Variants in PDE10A observed in about 807,000 individuals in gnomAD.
PDE10A encodes the protein phosphodiesterase 10A, also known as cAMP and cAMP-inhibited cGMP 3',5'-cyclic phosphodiesterase 10A.
Under a neutral mutation model 97.7 loss-of-function variants are expected in PDE10A, and 39 were observed. The observed-to-expected ratio is 0.40, with a 90% CI of 0.31 to 0.52. The LOEUF is 0.52. PDE10A is among the 20% of genes least tolerant of loss of function. The pLI, the probability that PDE10A is intolerant of heterozygous loss-of-function variation, is 0.56. For missense variants in PDE10A, 731 were observed against 1,047.8 expected (o/e 0.70, Z 4.17); for synonymous variants, 371 against 376.8 (o/e 0.98, Z 0.18).
rs565739169 is a variant in PDE10A at position 165,502,356 on chromosome 6, C to T, written c.995-20013G>A. On this transcript the variant is annotated intron_variant, in intron 2 of 21. Transcript: ENST00000539869. Reference sequence around the variant, plus strand: ...ACTGGGAGAAAGTATTTTCAAAATACGTATCTGGCAAAAGACCTATAACTA... The same window carrying T: ...ACTGGGAGAAAGTATTTTCAAAATATGTATCTGGCAAAAGACCTATAACTA... Among the ~76,000 whole-genome samples the T allele has an allele frequency of 4.2e-4, 64 of 152,200 alleles. 1 individual carries two copies. The highest frequency in any genetic ancestry group is 2.1e-4 in the South Asian group (1 of 4,820).
chr6:165,388,021 T>C lies in PDE10A; in HGVS notation c.2610+277A>G, dbSNP rs1323885005. 6.6e-6 allele frequency among the ~76,000 whole-genome samples: 1 copy of C among 152,222 alleles called. No homozygotes were observed. Among genetic ancestry groups the C allele is most frequent in the African/African-American group, 2.4e-5 (1 of 41,466 alleles). On this transcript the variant is annotated intron_variant, in intron 17 of 21. Coordinates refer to ENST00000539869, the MANE Select transcript of PDE10A (RefSeq NM_001385079.1). The surrounding 1 kb of genome is among the most constrained non-coding windows in gnomAD (Gnocchi z 4.0). ...CTATATAATTAATTGATTTAAACTA[T>C]GTAAAATAAGTATTGCTTTAGGGTT...
At chr6:165,563,845 C>T (rs1318395402) in intron 1 of PDE10A, among the ~76,000 whole-genome samples, 1 of 150,924 alleles carries the variant, frequency 6.6e-6, no homozygotes, top group Non-Finnish European at 1.5e-5. Context: ...TAGCTGAGAT[C>T]GTGCCACTGC....
At chr6:165,568,212 G>A (rs1038187007) in intron 1 of PDE10A, among the ~76,000 whole-genome samples, 3 of 152,034 alleles carry the variant, frequency 2.0e-5, no homozygotes, top group Admixed American at 1.3e-4. Context: ...TGTTAGACAC[G>A]ATGGTCTAGA....
chr6:165,894,602 A>T (rs2140232), intron 1 of PDE10A: 214,687 of 447,586 alleles, frequency 0.48, 52,386 homozygotes, highest in East Asian at 0.67. Context: ...TGTACTACAT[A>T]TCCCGAGGAA....
intron 16 of PDE10A, among the ~76,000 whole-genome samples, chr6:165,389,804 A>G (rs778743090): frequency 6.6e-6 from 1 of 152,208 alleles, no homozygotes; most frequent in Non-Finnish European, 1.5e-5. Context: ...AGGAGGGTCA[A>G]GGTCTAAGCT....
chr6:165,840,248 C>T (rs536515291), intron 1 of PDE10A, among the ~76,000 whole-genome samples: 1 of 152,162 alleles, frequency 6.6e-6, no homozygotes, highest in South Asian at 2.1e-4. Context: ...TCCCCAGCTC[C>T]ATCCTTATCT....
intron 1 of PDE10A, among the ~76,000 whole-genome samples, chr6:165,825,370 G>A (rs1196907114): frequency 2.0e-5 from 3 of 152,052 alleles, no homozygotes; most frequent in Non-Finnish European, 2.9e-5. Flanking sequence ...ATAAAGGATG[G>A]CGTGATCTGA....
At chr6:165,928,580 G>A (rs1443545377) in intron 1 of PDE10A, among the ~76,000 whole-genome samples, 32 of 152,172 alleles carry the variant, frequency 2.1e-4, no homozygotes, top group Non-Finnish European at 4.0e-4. Flanking sequence ...AAAGACCATG[G>A]CAGAGCAAAA....
At chr6:165,709,476 C>A (rs1314702799) in intron 1 of PDE10A, among the ~76,000 whole-genome samples, 4 of 136,048 alleles carry the variant, frequency 2.9e-5, no homozygotes, top group Non-Finnish European at 4.8e-5. Flanking sequence ...GCTCCCTCCA[C>A]TCTCCACCCC....
rs748862918 is a variant in PDE10A at position 165,396,304 on chromosome 6, G to C, written c.2219+13C>G. 2.5e-6 allele frequency: 4 copies of C among 1,608,242 alleles called. No individual in the cohort carries two copies. Among genetic ancestry groups the C allele is most frequent in the Admixed American group, 1.7e-5 (1 of 59,248 alleles). The stretch of plus-strand genomic sequence containing the variant: ...AATGGTTCCTGAAGAAACTGACAGA[G>C]CAACATACTTACAATTCAATTTCTT... On this transcript the variant is annotated intron_variant, in intron 14 of 21. Coordinates refer to ENST00000539869, the MANE Select transcript of PDE10A (RefSeq NM_001385079.1).
chr6:165,708,174 G>A (rs990553015), intron 1 of PDE10A, among the ~76,000 whole-genome samples: 8 of 152,140 alleles, frequency 5.3e-5, no homozygotes, highest in Admixed American at 4.6e-4. Context: ...CACCTCCGGC[G>A]GCCACACTGC....
chr6:165,711,201 T>C lies in PDE10A; in HGVS notation c.-614-167633A>G, dbSNP rs1240972652. 6.6e-6 allele frequency among the ~76,000 whole-genome samples: 1 copy of C among 152,196 alleles called. No homozygotes were observed. Among genetic ancestry groups the C allele is most frequent in the African/African-American group, 2.4e-5 (1 of 41,446 alleles). On this transcript the variant is annotated intron_variant, in intron 1 of 19. Coordinates refer to the PDE10A transcript ENST00000366882. The surrounding 1 kb of genome is among the most constrained non-coding windows in gnomAD (Gnocchi z 4.5). ...GACGTTAGCAGTAAGTTCTACTAAA[T>C]ACACCGTTAGAGTTGGGAGCAGGGC...
At chr6:165,457,546 C>CTATATGTATA (rs926758434) in intron 3 of PDE10A, among the ~76,000 whole-genome samples, 2 of 152,184 alleles carry the variant, frequency 1.3e-5, no homozygotes, top group African/African-American at 2.4e-5. Context: ...CATTGTCAAG[C>CTATATGTATA]TATATGTATA....
At chr6:165,670,868 A>T (rs1215364739) in intron 1 of PDE10A, among the ~76,000 whole-genome samples, 1 of 152,208 alleles carries the variant, frequency 6.6e-6, no homozygotes, top group African/African-American at 2.4e-5. Flanking sequence ...CTTAAGTGGC[A>T]AAAGGACCCC....
At chr6:165,690,936 C>A (rs1791253957) in intron 1 of PDE10A, among the ~76,000 whole-genome samples, 1 of 152,172 alleles carries the variant, frequency 6.6e-6, no homozygotes, top group African/African-American at 2.4e-5. Context: ...TGCTCTCCTG[C>A]TTCTCAAGCC....
At chr6:165,639,788 C>G (rs566424246) in intron 1 of PDE10A, among the ~76,000 whole-genome samples, 175 of 150,352 alleles carry the variant, frequency 1.2e-3, no homozygotes, top group African/African-American at 4.1e-3. Context: ...CAATCTATGG[C>G]CAGGTGGAGT....
At chr6:165,745,462 T>A (rs1792822530) in intron 1 of PDE10A, among the ~76,000 whole-genome samples, 1 of 152,210 alleles carries the variant, frequency 6.6e-6, no homozygotes, top group Non-Finnish European at 1.5e-5. Context: ...TTAACTAATA[T>A]CCTTTCAGAA....
intron 1 of PDE10A, among the ~76,000 whole-genome samples, chr6:165,974,209 A>G (rs1471908891): frequency 6.6e-6 from 1 of 152,232 alleles, no homozygotes; most frequent in Admixed American, 6.5e-5. Flanking sequence ...AACTTTCACA[A>G]ATGTATGTCT....
chr6:165,368,547 G>T (rs1268707302), intron 18 of PDE10A, among the ~76,000 whole-genome samples: 4 of 151,814 alleles, frequency 2.6e-5, no homozygotes, highest in Admixed American at 1.3e-4. Flanking sequence ...TTTAAAAAGG[G>T]TATAACAAGA....
Sources: gnomAD v4.1 joint callset for allele counts (sites outside exome capture counted in the v4.1 genomes callset) on GRCh38, gnomAD v4.1.1 for gene constraint, Gnocchi (gnomAD v3.1) non-coding constraint, MANE v1.5 for transcripts, NCBI Gene and HGNC (gene_info 2026-07-23, HGNC 2026-07-21) for gene names.